Variants in ATP13A4 observed in about 807,000 individuals in gnomAD.
ATP13A4 encodes probable cation-transporting ATPase 13A4.
Under a neutral mutation model 142.5 loss-of-function variants are expected in ATP13A4, and 114 were observed. That is an observed-to-expected ratio of 0.80 (90% CI 0.69 to 0.93). The LOEUF (loss-of-function observed/expected upper bound fraction) is 0.93. ATP13A4 is among the 40% of genes least tolerant of loss of function. ATP13A4 has a pLI of 0.00. For missense variants in ATP13A4, 1,392 were observed against 1,454.0 expected (o/e 0.96, Z 0.69); for synonymous variants, 488 against 514.8 (o/e 0.95, Z 0.70).
At chr3:193,551,354 A>C (rs1723551667) in intron 1 of ATP13A4, among the ~76,000 whole-genome samples, 1 of 152,180 alleles carries the variant, frequency 6.6e-6, no homozygotes, top group African/African-American at 2.4e-5. Flanking sequence ...CAGAGGTTGC[A>C]GTGAGCCGAG....
chr3:193,569,060 A>G (rs976664144), intron 2 of ATP13A4, among the ~76,000 whole-genome samples: 4 of 152,240 alleles, frequency 2.6e-5, no homozygotes, highest in Non-Finnish European at 5.9e-5. Context: ...AAAAGAAGGA[A>G]AAGAGAAGCT....
intron 1 of ATP13A4, among the ~76,000 whole-genome samples, chr3:193,546,099 C>A (rs1723209648): frequency 6.6e-6 from 1 of 151,448 alleles, no homozygotes; most frequent in African/African-American, 2.4e-5. Flanking sequence ...TTGAAACTGG[C>A]CCAATTGTCT....
intron 29 of ATP13A4, chr3:193,403,899 A>G (rs772990347): frequency 7.9e-5 from 78 of 985,300 alleles, no homozygotes; most frequent in Non-Finnish European, 8.8e-5. Flanking sequence ...ATTCTGTGAG[A>G]TTCTATAAGG....
At chr3:193,566,575 C>T (rs755232380) in intron 2 of ATP13A4, among the ~76,000 whole-genome samples, 10 of 152,276 alleles carry the variant, frequency 6.6e-5, no homozygotes, top group African/African-American at 1.2e-4. Context: ...CACACATATA[C>T]GCAAACACAA....
At chr3:193,517,479 G>C (rs1215141569) in intron 1 of ATP13A4, among the ~76,000 whole-genome samples, 1 of 152,064 alleles carries the variant, frequency 6.6e-6, no homozygotes, top group Non-Finnish European at 1.5e-5. Context: ...CAACTGTTTT[G>C]TTTTATTTTA....
chr3:193,456,017 T>C (rs907759267), intron 16 of ATP13A4, among the ~76,000 whole-genome samples: 28 of 152,162 alleles, frequency 1.8e-4, no homozygotes, highest in African/African-American at 6.7e-4. Flanking sequence ...TGGGGCCTGT[T>C]GTAGGGTGGA....
intron 25 of ATP13A4, among the ~76,000 whole-genome samples, chr3:193,422,538 A>C (rs1180471503): frequency 6.7e-6 from 1 of 149,780 alleles, no homozygotes; most frequent in Non-Finnish European, 1.5e-5. Context: ...ATTGTTTCTA[A>C]CCACAATAAT....
intron 1 of ATP13A4, among the ~76,000 whole-genome samples, chr3:193,523,253 G>A (rs1425995300): frequency 2.0e-5 from 3 of 151,430 alleles, no homozygotes; most frequent in Non-Finnish European, 2.9e-5. Flanking sequence ...GTAGTGAGCC[G>A]AGATTGTGCC....
At chr3:193,573,276 C>CTTATATATATATGTATATATATAT (rs745558107) in intron 2 of ATP13A4, among the ~76,000 whole-genome samples, 1 of 77,844 alleles carries the variant, frequency 1.3e-5, no homozygotes, top group African/African-American at 6.4e-5. Flanking sequence ...TATATATATA[C>CTTATATATATATGTATATATATAT]ATATATATAT....
At chr3:193,561,407 T>C (rs945373227) in intron 2 of ATP13A4, among the ~76,000 whole-genome samples, 1 of 152,166 alleles carries the variant, frequency 6.6e-6, no homozygotes, top group Admixed American at 6.5e-5. Context: ...CACTTAGGAT[T>C]ATTTATGCTG....
At chr3:193,416,682 G>GA (rs557509918) in intron 25 of ATP13A4, among the ~76,000 whole-genome samples, 50 of 149,308 alleles carry the variant, frequency 3.3e-4, no homozygotes, top group Admixed American at 8.7e-4. Context: ...CTGAGGAACA[G>GA]AAAAAAAAAT....
At chr3:193,442,328 C>T (rs1039703298) in intron 19 of ATP13A4, 65 bp downstream of exon 19, 2 of 1,524,868 alleles carry the variant, frequency 1.3e-6, no homozygotes, top group African/African-American at 2.7e-5. Context: ...TAGGTCAAAG[C>T]TGCTCAGTCA....
At position 193,554,820 on chromosome 3, in the gene ATP13A4, C is replaced by T. The variant is rs1212608974; in HGVS notation, c.-21G>A. The T allele has an allele frequency of 1.9e-6, 3 of 1,613,980 alleles. No homozygotes were observed. The highest frequency in any genetic ancestry group is 1.1e-5 in the South Asian group (1 of 91,070). ...CCCATGAAAAAGTTATTCCACACCT[C>T]CTCCCTGACCTTGTCGTGCAGACGC... On this transcript the variant is annotated 5_prime_UTR_variant, in exon 1 of 30. Transcript: ENST00000342695.
At chr3:193,577,272 C>T (rs956619274) in intron 2 of ATP13A4, among the ~76,000 whole-genome samples, 12 of 152,304 alleles carry the variant, frequency 7.9e-5, no homozygotes, top group African/African-American at 2.6e-4. Flanking sequence ...CTGTTCTGGA[C>T]CTATATTCCA....
chr3:193,420,312 G>T (rs1560175191), intron 25 of ATP13A4, among the ~76,000 whole-genome samples: 1 of 149,872 alleles, frequency 6.7e-6, no homozygotes, highest in Non-Finnish European at 1.5e-5. Context: ...CTATACTACT[G>T]CATCTTCTCG....
At chr3:193,461,467 C>T (rs1183308253) in intron 13 of ATP13A4, among the ~76,000 whole-genome samples, 1 of 152,168 alleles carries the variant, frequency 6.6e-6, no homozygotes, top group Non-Finnish European at 1.5e-5. Context: ...CCAAATCTAT[C>T]TTCTAGGAAA....
intron 26 of ATP13A4, 135 bp from the exon 27 acceptor site, chr3:193,412,506 AACACACACACACACACACAC>A (rs58979821): frequency 2.2e-4 from 112 of 509,824 alleles, no homozygotes; most frequent in Admixed American, 7.5e-4. Flanking sequence ...TGCTTTGGAA[AACACACACACACACACACAC>A]ACACACACAC....
intron 24 of ATP13A4, among the ~76,000 whole-genome samples, chr3:193,434,709 G>T (rs1025019742): frequency 6.6e-6 from 1 of 152,092 alleles, no homozygotes; most frequent in Non-Finnish European, 1.5e-5. Context: ...ATATCCAGAC[G>T]AACTTTCTTT....
intron 8 of ATP13A4, among the ~76,000 whole-genome samples, chr3:193,483,304 A>T (rs1284294442): frequency 6.6e-6 from 1 of 152,148 alleles, no homozygotes. Context: ...AAACAGGAAC[A>T]AGGCAACTTT....
Sources: gnomAD v4.1 joint callset for allele counts (sites outside exome capture counted in the v4.1 genomes callset) on GRCh38, gnomAD v4.1.1 for gene constraint, MANE v1.5 for transcripts, NCBI Gene and HGNC (gene_info 2026-07-23, HGNC 2026-07-21) for gene names.